The following COL11A2 variants were observed in gnomAD, a reference collection of about 807,000 sequenced individuals.
The protein encoded by COL11A2 is collagen type XI alpha 2 chain.
Under a neutral mutation model 273.4 loss-of-function variants are expected in COL11A2, and 116 were observed. The ratio of observed to expected loss-of-function variants is 0.42; its 90% CI spans 0.36 to 0.49. The LOEUF is 0.49. Among genes scored for constraint, COL11A2 ranks in the 20% least tolerant of loss-of-function variants. The probability of loss-of-function intolerance (pLI) is 0.00; values close to 1 mark genes in which losing one functional copy is unlikely to be tolerated. For synonymous variants in COL11A2, 782 were observed against 864.2 expected (o/e 0.90, Z 1.67); for missense variants, 1,866 against 2,309.0 (o/e 0.81, Z 3.93).
chr6:33,189,068 C>A lies in COL11A2; in HGVS notation c.353G>T (p.Arg118Leu). ...GTCTTCATACAGGAAGCGGACAGGTCGGCCCAGCTCCAGGCCCAGCTGTCG... is the reference window on the plus strand; with the variant it reads ...GTCTTCATACAGGAAGCGGACAGGTAGGCCCAGCTCCAGGCCCAGCTGTCG... ...GVRQLGLELGRPVRFLYEDQT... is the reference protein window; with the variant it reads ...GVRQLGLELGLPVRFLYEDQT... Residue 118 changes from arginine to leucine, a missense_variant, in exon 3 of 66, where the codon CGA becomes CTA. Physicochemically the swap from Arg to Leu is moderately radical, Grantham distance 102 (BLOSUM62 -2). Transcript: ENST00000341947. The surrounding 1 kb of genome is among the most constrained non-coding windows in gnomAD (Gnocchi z 5.6). The A allele has an allele frequency of 1.9e-6, 3 of 1,614,162 alleles. No individual in the cohort carries two copies. In the Admixed American group the frequency reaches 5.0e-5, roughly 27 times the overall value.
rs896704938 is a variant in COL11A2 at position 33,189,696 on chromosome 6, C to T, written c.83-227G>A. On this transcript the variant is annotated intron_variant, in intron 1 of 65. Coordinates refer to ENST00000341947, the MANE Select transcript of COL11A2 (RefSeq NM_080680.3). The surrounding 1 kb of genome is among the most constrained non-coding windows in gnomAD (Gnocchi z 5.6). ...ATTCAACCCCATGACACTCCTGCCC[C>T]TGTCTCTCCTAGCATCTGCCTCTCT... Among the ~76,000 whole-genome samples, 18 of 151,698 alleles carry T rather than the reference C, an allele frequency of 1.2e-4. No homozygotes were observed. Among genetic ancestry groups the T allele is most frequent in the African/African-American group, 3.9e-4 (16 of 41,364 alleles).
In COL11A2 at chr6:33,167,851, C is replaced by A; in HGVS notation, c.3962G>T (p.Gly1321Val). ...CTCGGAACCAGGCGAGCCAGCAGGA[C>A]CCTGCAGGTGGAGTGGGAAGGAAGA... is the stretch of plus-strand genomic sequence containing the variant. ...NGPPGPLGKR[G>V]PAGSPGSEGR... The change falls in exon 55 of 66, where the codon GGT (glycine) becomes GTT (valine). Residue 1321 changes from glycine (G) to valine (V), a missense_variant and splice_region_variant. Physicochemically the swap from Gly to Val is moderately radical, Grantham distance 109 (BLOSUM62 -3). Coordinates refer to ENST00000341947, the MANE Select transcript of COL11A2 (RefSeq NM_080680.3). The surrounding 1 kb of genome is among the most constrained non-coding windows in gnomAD (Gnocchi z 6.1). The A allele has an allele frequency of 6.2e-7, 1 of 1,612,894 alleles. No individual in the cohort carries two copies. The highest frequency in any genetic ancestry group is 8.5e-7 in the Non-Finnish European group (1 of 1,179,954).
chr6:33,166,680 C>A lies in COL11A2; in HGVS notation c.4338+40G>T, dbSNP rs1252173489. 6.2e-7 allele frequency: 1 copy of A among 1,613,346 alleles called. No individual in the cohort carries two copies. The highest frequency in any genetic ancestry group is 8.5e-7 in the Non-Finnish European group (1 of 1,179,422). On this transcript the variant is annotated intron_variant, in intron 59 of 65. Transcript: ENST00000341947. The surrounding 1 kb of genome is among the most constrained non-coding windows in gnomAD (Gnocchi z 4.8). ...CAACTCCACCCCTCTCCACCCCACTCTCAACCCCCACAACTTCCGGGACCA... is the reference window on the plus strand; with the variant it reads ...CAACTCCACCCCTCTCCACCCCACTATCAACCCCCACAACTTCCGGGACCA...
intron 8 of COL11A2, among the ~76,000 whole-genome samples, chr6:33,182,491 T>C (rs7382464): frequency 0.79 from 120,207 of 152,036 alleles, 48,039 homozygotes; most frequent in East Asian, 0.98. Context: ...ACAGGCAGCT[T>C]ATTTGAGGTC....
intron 41 of COL11A2, 84 bp from the exon 42 acceptor site, chr6:33,171,904 C>T: frequency 6.4e-7 from 1 of 1,561,166 alleles, no homozygotes; most frequent in Non-Finnish European, 8.8e-7. Context: ...TTCCCAAAAG[C>T]TCCCAAAATC....
In COL11A2 at chr6:33,173,515, G is replaced by T. The variant is rs764307090; in HGVS notation, c.2669C>A (p.Pro890Gln). 1.2e-6 allele frequency: 2 copies of T among 1,611,800 alleles called. No homozygotes were observed. Among genetic ancestry groups the T allele is most frequent in the Non-Finnish European group, 1.7e-6 (2 of 1,179,600 alleles). ...GPQGPNGFPG[P>Q]KGPPGPPGKD... is the part of the protein sequence containing the mutation. ...GGGTCAACTTACCGGGGGTCCTTTC[G>T]GTCCAGGAAACCCGTTGGGACCCTG... The change falls in exon 36 of 66, where the codon CCG (proline) becomes CAG (glutamine). Residue 890 changes from proline (P) to glutamine (Q), a missense_variant. By Grantham distance (76) the Pro-to-Gln change is moderately conservative (BLOSUM62 -1). Transcript: ENST00000341947. The surrounding 1 kb of genome is among the most constrained non-coding windows in gnomAD (Gnocchi z 6.3).
chr6:33,179,927 T>C lies in COL11A2; in HGVS notation c.1360-122A>G, dbSNP rs1771505496. 2.2e-6 allele frequency: 2 copies of C among 911,146 alleles called. No individual in the cohort carries two copies. The highest frequency in any genetic ancestry group is 3.5e-6 in the Non-Finnish European group (2 of 566,456). The allele number at this position is 911,146 out of a possible 1,614,324, so 56.4% of individuals were successfully genotyped here. ...GGTTCTGCCCATCCAGCATTTCCCA[T>C]GGCTTCCAGATAATCACTTAGAGGA... On this transcript the variant is annotated intron_variant, in intron 12 of 65. Transcript: ENST00000341947. The surrounding 1 kb of genome is among the most constrained non-coding windows in gnomAD (Gnocchi z 6.4).
In COL11A2 at chr6:33,166,219, G is replaced by C; in HGVS notation, c.4393-13C>G. On this transcript the variant is annotated splice_polypyrimidine_tract_variant and intron_variant, in intron 60 of 65. Coordinates refer to ENST00000341947, the MANE Select transcript of COL11A2 (RefSeq NM_080680.3). The surrounding 1 kb of genome is among the most constrained non-coding windows in gnomAD (Gnocchi z 4.8). The stretch of plus-strand genomic sequence containing the variant: ...GGCCAGCAGGTCCCTGTGAAATGAG[G>C]AACAAGAAAGAGACGGTCACTGCAG... 1 of 1,594,830 alleles carries C rather than the reference G, an allele frequency of 6.3e-7. No homozygotes were observed. Among genetic ancestry groups the C allele is most frequent in the Non-Finnish European group, 8.5e-7 (1 of 1,171,574 alleles).
Position 33,189,050 on chromosome 6 carries a change from T to C in COL11A2, c.371A>G (p.Tyr124Cys), listed in dbSNP as rs371243373. The change falls in exon 3 of 66, where the codon TAT (tyrosine) becomes TGT (cysteine). Residue 124 changes from tyrosine to cysteine, a missense_variant. Tyr to Cys is a radical substitution (Grantham distance 194, BLOSUM62 -2). Transcript: ENST00000341947. This position sits in a 1 kb window ranked among gnomAD's most constrained non-coding sequence, Gnocchi z 5.6. ...LELGRPVRFLYEDQTGRPQPP... is the reference protein window; with the variant it reads ...LELGRPVRFLCEDQTGRPQPP... ...TTGAGGCCGCCCAGTCTGGTCTTCA[T>C]ACAGGAAGCGGACAGGTCGGCCCAG... The C allele has an allele frequency of 6.2e-7, 1 of 1,614,038 alleles. No individual in the cohort carries two copies. The highest frequency in any genetic ancestry group is 1.3e-5 in the African/African-American group (1 of 74,890).
Position 33,177,478 on chromosome 6 carries a change from G to T in COL11A2, c.1918-13C>A. The T allele has an allele frequency of 2.5e-6, 4 of 1,612,824 alleles. No individual in the cohort carries two copies. The highest frequency in any genetic ancestry group is 3.4e-6 in the Non-Finnish European group (4 of 1,179,908). On this transcript the variant is annotated splice_polypyrimidine_tract_variant and intron_variant, in intron 22 of 65. Coordinates refer to ENST00000341947, the MANE Select transcript of COL11A2 (RefSeq NM_080680.3). This position sits in a 1 kb window ranked among gnomAD's most constrained non-coding sequence, Gnocchi z 5.9. ...CTCCCTGGGGTCCCTAGAAACAGGT[G>T]ACCAGGCACAGGTCAGAAGGAGATG...
In COL11A2 at chr6:33,163,546, T is replaced by C; in HGVS notation, c.*132A>G. The C allele has an allele frequency of 6.9e-7, 1 of 1,442,234 alleles. No homozygotes were observed. 89.3% of individuals were successfully genotyped at this position (1,442,234 alleles called of 1,614,324 possible). On this transcript the variant is annotated 3_prime_UTR_variant, in exon 66 of 66. Transcript: ENST00000341947. The surrounding 1 kb of genome is among the most constrained non-coding windows in gnomAD (Gnocchi z 4.1). ...CACCCCTCCCCTGGCCTGCCCCGACTGAGGGCTCTCCACGCCCTGGCCCAG... is the reference window on the plus strand; with the variant it reads ...CACCCCTCCCCTGGCCTGCCCCGACCGAGGGCTCTCCACGCCCTGGCCCAG...
Position 33,168,948 on chromosome 6 carries a change from G to C in COL11A2, c.3852+7C>G. ...TTTGCCCCTTCCCTTCTCTGAGTAA[G>C]ACTCACCCGAGGGCCACCTTCTCCA... On this transcript the variant is annotated splice_region_variant and intron_variant, in intron 52 of 65. Transcript: ENST00000341947. The C allele has an allele frequency of 1.3e-6, 2 of 1,556,638 alleles. No individual in the cohort carries two copies. The highest frequency in any genetic ancestry group is 1.7e-6 in the Non-Finnish European group (2 of 1,151,744).
Position 33,180,120 on chromosome 6 carries a change from C to G in COL11A2, c.1359+138G>C, listed in dbSNP as rs968167853. On this transcript the variant is annotated intron_variant, in intron 12 of 65. Transcript: ENST00000341947. ...GGCCCCATCTCCCCAACCCCAAAGA[C>G]GAATCCCTTTGGAGTGATGATCTTT... is the stretch of plus-strand genomic sequence containing the variant. 3.1e-6 allele frequency: 3 copies of G among 973,692 alleles called. No individual in the cohort carries two copies. The East Asian group carries it at 7.2e-5, about 23-fold the overall frequency. 60.3% of individuals were successfully genotyped at this position (973,692 alleles called of 1,614,324 possible). A position where few individuals can be genotyped will look rare whatever the true frequency, so the allele number is the denominator to read the frequency against.
rs1771091532 is a variant in COL11A2 at position 33,177,503 on chromosome 6, G to A, written c.1918-38C>T. 6.2e-7 allele frequency: 1 copy of A among 1,608,704 alleles called. No individual in the cohort carries two copies. The highest frequency in any genetic ancestry group is 8.5e-7 in the Non-Finnish European group (1 of 1,176,498). The stretch of plus-strand genomic sequence containing the variant: ...GACCAGGCACAGGTCAGAAGGAGAT[G>A]GAGATAGAACACATTTAGAGCATGG... On this transcript the variant is annotated intron_variant, in intron 22 of 65. Coordinates refer to ENST00000341947, the MANE Select transcript of COL11A2 (RefSeq NM_080680.3). This position sits in a 1 kb window ranked among gnomAD's most constrained non-coding sequence, Gnocchi z 5.9.
intron 8 of COL11A2, among the ~76,000 whole-genome samples, chr6:33,181,733 G>C (rs1771762943): frequency 6.6e-6 from 1 of 151,862 alleles, no homozygotes; most frequent in South Asian, 2.1e-4. Flanking sequence ...TGATCCGCCT[G>C]CCTTGGCCTC....
Position 33,190,872 on chromosome 6 carries a change from G to A in COL11A2, c.82+1287C>T, listed in dbSNP as rs1773030016. 6.6e-6 allele frequency among the ~76,000 whole-genome samples: 1 copy of A among 151,954 alleles called. No homozygotes were observed. The highest frequency in any genetic ancestry group is 6.6e-5 in the Admixed American group (1 of 15,258). ...CAAGGGAGTACAATTCGATCATATG[G>A]ACAACCTACCCACAGGTCCGCCCAC... On this transcript the variant is annotated intron_variant, in intron 1 of 65. Coordinates refer to ENST00000341947, the MANE Select transcript of COL11A2 (RefSeq NM_080680.3). This position sits in a 1 kb window ranked among gnomAD's most constrained non-coding sequence, Gnocchi z 4.5.
chr6:33,171,007 T>C (rs1769966357), intron 45 of COL11A2, 90 bp from the exon 46 acceptor site: 1 of 1,577,274 alleles, frequency 6.3e-7, no homozygotes. Context: ...CACAGCTGGG[T>C]GCCAGGCCCA....
At chr6:33,182,568 G>A (rs778140629) in intron 8 of COL11A2, among the ~76,000 whole-genome samples, 38 of 151,956 alleles carry the variant, frequency 2.5e-4, no homozygotes, top group South Asian at 1.5e-3. Flanking sequence ...AAAAATAGCC[G>A]GGCGCAGTGG....
At chr6:33,174,645 C>T (rs372881496) in intron 30 of COL11A2, 65 bp from the exon 31 acceptor site, 23 of 1,500,038 alleles carry the variant, frequency 1.5e-5, no homozygotes, top group South Asian at 4.6e-5. Context: ...CCCCTGGAGA[C>T]CTCAACCCTC....
Sources: allele counts gnomAD v4.1 joint callset (sites outside exome capture counted in the v4.1 genomes callset), GRCh38; gene constraint gnomAD v4.1.1; non-coding constraint Gnocchi (gnomAD v3.1); transcripts MANE v1.5; gene names NCBI Gene and HGNC (gene_info 2026-07-23, HGNC 2026-07-21).